Variants in RERE observed in about 807,000 individuals in gnomAD.
RERE encodes arginine-glutamic acid dipeptide repeats, also known as arginine-glutamic acid dipeptide repeats protein.
Under a neutral mutation model 146.1 loss-of-function variants are expected in RERE, and 40 were observed. That is an observed-to-expected ratio of 0.27 (90% CI 0.21 to 0.36). The LOEUF (loss-of-function observed/expected upper bound fraction) is 0.36. Ranked by LOEUF, RERE falls within the 10% of genes least tolerant of loss-of-function variation. The pLI is 1.00. For missense variants in RERE, 1,933 were observed against 2,138.7 expected (o/e 0.90, Z 1.90); for synonymous variants, 1,003 against 866.0 (o/e 1.16, Z -2.78).
In RERE at chr1:8,466,121, G is replaced by A. The variant is rs554458617; in HGVS notation, c.1105-98C>T. On this transcript the variant is annotated intron_variant, in intron 10 of 22. Transcript: ENST00000400908. ...TCCTCATTGACTATCTCCCACAGAA[G>A]AGTCAGGAAAGGGGCACTGAGACTC... 7.8e-6 allele frequency: 8 copies of A among 1,021,178 alleles called. No individual in the cohort carries two copies. In the East Asian group the frequency reaches 1.5e-4, roughly 20 times the overall value. The allele number at this position is 1,021,178 out of a possible 1,614,324, so 63.3% of individuals were successfully genotyped here. A position where few individuals can be genotyped will look rare whatever the true frequency, so the allele number is the denominator to read the frequency against.
intron 11 of RERE, among the ~76,000 whole-genome samples, chr1:8,444,875 T>C (rs2124026331): frequency 6.6e-6 from 1 of 151,494 alleles, no homozygotes; most frequent in African/African-American, 2.4e-5. Context: ...GTCATGCTTG[T>C]ACAGCCTATA....
chr1:8,701,121 T>C (rs1164356613), intron 1 of RERE, among the ~76,000 whole-genome samples: 2 of 152,108 alleles, frequency 1.3e-5, no homozygotes, highest in African/African-American at 2.4e-5. Context: ...CTGTACACAG[T>C]TGCACTAGTT....
At chr1:8,438,639 G>A (rs1570239112) in intron 11 of RERE, among the ~76,000 whole-genome samples, 1 of 152,238 alleles carries the variant, frequency 6.6e-6, no homozygotes, top group East Asian at 1.9e-4. Flanking sequence ...CCTGATTCTA[G>A]CAAGGCCTCA....
At chr1:8,769,453 C>A (rs1640904671) in intron 1 of RERE, among the ~76,000 whole-genome samples, 3 of 152,066 alleles carry the variant, frequency 2.0e-5, no homozygotes, top group Admixed American at 2.0e-4. Context: ...TGTAAAACTC[C>A]AAACCACTAT....
At chr1:8,379,038 A>G (rs1469087500) in intron 12 of RERE, among the ~76,000 whole-genome samples, 1 of 152,260 alleles carries the variant, frequency 6.6e-6, no homozygotes, top group Non-Finnish European at 1.5e-5. Flanking sequence ...AATGCCACAC[A>G]GTTCCCTCAC....
At chr1:8,574,470 G>C (rs376467211) in intron 4 of RERE, among the ~76,000 whole-genome samples, 1 of 145,042 alleles carries the variant, frequency 6.9e-6, no homozygotes, top group African/African-American at 2.6e-5. Flanking sequence ...TCAGCCTCCC[G>C]AGTAGCTGGG....
intron 1 of RERE, among the ~76,000 whole-genome samples, chr1:8,795,977 C>T (rs138209600): frequency 0.02 from 2,504 of 127,176 alleles, 54 homozygotes; most frequent in South Asian, 0.035. Flanking sequence ...AACGAAACTC[C>T]GTCTCAAAAA....
intron 12 of RERE, chr1:8,380,754 T>C (rs181970691): frequency 1.4e-3 from 586 of 432,198 alleles, no homozygotes; most frequent in Non-Finnish European, 2.4e-3. Flanking sequence ...AAGGTAGAGA[T>C]TTCTCTTTAA....
At chr1:8,699,818 ATCTTAG>A (rs1639409254) in intron 1 of RERE, among the ~76,000 whole-genome samples, 1 of 152,198 alleles carries the variant, frequency 6.6e-6, no homozygotes, top group South Asian at 2.1e-4. Context: ...ATTAAAAAGT[ATCTTAG>A]TCTAAGACAA....
At chr1:8,631,618 A>T (rs566267792) in intron 2 of RERE, among the ~76,000 whole-genome samples, 1 of 152,364 alleles carries the variant, frequency 6.6e-6, no homozygotes, top group African/African-American at 2.4e-5. Context: ...TTACCCAAGC[A>T]AAGAACACTG....
chr1:8,679,414 T>C (rs1232623088), intron 1 of RERE, among the ~76,000 whole-genome samples: 2 of 152,196 alleles, frequency 1.3e-5, no homozygotes, highest in East Asian at 3.8e-4. Context: ...TTATCTATCA[T>C]AGTCACATCT....
At chr1:8,502,387 G>A (rs1338765388) in intron 8 of RERE, among the ~76,000 whole-genome samples, 1 of 121,304 alleles carries the variant, frequency 8.2e-6, no homozygotes, top group Non-Finnish European at 1.7e-5. Context: ...GAGGTGAGGG[G>A]CGCCTCTGCC....
At chr1:8,785,674 T>C (rs1187350929) in intron 1 of RERE, among the ~76,000 whole-genome samples, 1 of 152,042 alleles carries the variant, frequency 6.6e-6, no homozygotes, top group East Asian at 1.9e-4. Flanking sequence ...CAGGCTGGAG[T>C]GTGATGGCGC....
intron 11 of RERE, among the ~76,000 whole-genome samples, chr1:8,435,525 A>AT (rs993144110): frequency 5.9e-5 from 9 of 152,226 alleles, no homozygotes; most frequent in Admixed American, 3.9e-4. Context: ...TGACAAAACC[A>AT]TTAGATGTTC....
intron 1 of RERE, among the ~76,000 whole-genome samples, chr1:8,804,285 T>A (rs1641642281): frequency 6.6e-6 from 1 of 152,160 alleles, no homozygotes; most frequent in African/African-American, 2.4e-5. Context: ...TACCCAGCAA[T>A]AAAAATCTGA....
chr1:8,415,558 G>A (rs1643736587), intron 12 of RERE, among the ~76,000 whole-genome samples: 1 of 152,178 alleles, frequency 6.6e-6, no homozygotes, highest in South Asian at 2.1e-4. Context: ...CCAAGGTCAG[G>A]CTGTTTACAC....
intron 4 of RERE, among the ~76,000 whole-genome samples, chr1:8,600,310 C>A (rs909754931): frequency 4.6e-5 from 7 of 152,194 alleles, no homozygotes; most frequent in African/African-American, 1.7e-4. Flanking sequence ...TACACCATAG[C>A]AGCACTTCAA....
In RERE at chr1:8,358,671, G is replaced by A. The variant is rs768057795; in HGVS notation, c.3864C>T (p.His1288=). 5.5e-5 allele frequency: 87 copies of A among 1,584,964 alleles called. No homozygotes were observed. In the South Asian group the frequency reaches 9.2e-4, roughly 17 times the overall value. ...LNPTDPLLAY[H]MPGLYNVDPT... ...GGTCGACGTTGTAGAGGCCAGGCAT[G>A]TGGTAGGCCAGCAGGGGGTCCGTGG... Residue 1288 remains histidine, a synonymous_variant, in exon 20 of 23, where the codon CAC becomes CAT. Coordinates refer to ENST00000400908, the MANE Select transcript of RERE (RefSeq NM_001042681.2).
chr1:8,454,084 T>A (rs1570266059), intron 11 of RERE, among the ~76,000 whole-genome samples: 1 of 152,206 alleles, frequency 6.6e-6, no homozygotes, highest in Non-Finnish European at 1.5e-5. Context: ...ATGGCTGCAG[T>A]GATGGGCCAT....
Sources: allele counts gnomAD v4.1 joint callset (sites outside exome capture counted in the v4.1 genomes callset), GRCh38; gene constraint gnomAD v4.1.1; transcripts MANE v1.5; gene names NCBI Gene and HGNC (gene_info 2026-07-23, HGNC 2026-07-21).